Variants in ANK2 observed in about 807,000 individuals in gnomAD.
ANK2 encodes the protein ankyrin 2.
Under a neutral mutation model 360.5 loss-of-function variants are expected in ANK2, and 83 were observed. The ratio of observed to expected loss-of-function variants is 0.23; its 90% CI spans 0.19 to 0.28. The LOEUF (loss-of-function observed/expected upper bound fraction) is 0.28, where lower values mean the gene tolerates loss of function less well. Among genes scored for constraint, ANK2 ranks in the 10% least tolerant of loss-of-function variants. The pLI is 1.00. For missense variants in ANK2, 4,201 were observed against 4,795.7 expected, an observed-to-expected ratio of 0.88 and a Z score of 3.66; for synonymous variants, 1,740 against 1,759.5, an observed-to-expected ratio of 0.99 and a Z score of 0.28.
At chr4:113,008,475 A>G (rs1393080938) in intron 2 of ANK2, among the ~76,000 whole-genome samples, 2 of 152,342 alleles carry the variant, frequency 1.3e-5, no homozygotes, top group African/African-American at 2.4e-5. Context: ...TTATAAGCCA[A>G]TAGGCTCAAA....
intron 24 of ANK2, among the ~76,000 whole-genome samples, chr4:113,314,399 C>T (rs984787541): frequency 2.0e-5 from 3 of 152,108 alleles, no homozygotes; most frequent in African/African-American, 7.2e-5. Flanking sequence ...TTTCATACCA[C>T]CTATTATGTG....
At chr4:113,023,709 C>T (rs1375099144) in intron 2 of ANK2, among the ~76,000 whole-genome samples, 1 of 152,164 alleles carries the variant, frequency 6.6e-6, no homozygotes, top group South Asian at 2.1e-4. Context: ...TGCACTACAC[C>T]ATAGGCTGTA....
At position 113,331,982 on chromosome 4, in the gene ANK2, C is replaced by T. The variant is rs149840991; in HGVS notation, c.3136C>T (p.Leu1046=). The T allele has an allele frequency of 2.7e-4, 434 of 1,614,044 alleles. No homozygotes were observed. Among genetic ancestry groups the T allele is most frequent in the Non-Finnish European group, 3.6e-4 (424 of 1,179,962 alleles). ...TTTGGATGTACTCAGTAAACTTCAC[C>T]TGCCAACGGCTCCTCCCCCACTTAA... ...SGAQFLGKLH[L]PTAPPPLNEG... The change falls in exon 28 of 46, where the codon CTG becomes TTG. Residue 1046 remains leucine, a synonymous_variant. Transcript: ENST00000357077.
chr4:112,876,156 A>G (rs2075042239), intron 1 of ANK2, among the ~76,000 whole-genome samples: 1 of 152,030 alleles, frequency 6.6e-6, no homozygotes, highest in Non-Finnish European at 1.5e-5. Flanking sequence ...GCTTTTATTC[A>G]GATAAGTTTG....
At chr4:112,981,564 TGAGAG>T (rs1223120536) in intron 2 of ANK2, among the ~76,000 whole-genome samples, 1 of 152,190 alleles carries the variant, frequency 6.6e-6, no homozygotes, top group Non-Finnish European at 1.5e-5. Context: ...AGTTTCAGGT[TGAGAG>T]GACGAGTAGG....
At chr4:113,158,849 T>G (rs1263592109) in intron 1 of ANK2, among the ~76,000 whole-genome samples, 2 of 152,196 alleles carry the variant, frequency 1.3e-5, no homozygotes, top group African/African-American at 2.4e-5. Flanking sequence ...GGGTACAGTT[T>G]ACTGCTTTGC....
chr4:112,930,929 A>G (rs1213498451), intron 2 of ANK2, among the ~76,000 whole-genome samples: 2 of 152,042 alleles, frequency 1.3e-5, no homozygotes, highest in Admixed American at 1.3e-4. Flanking sequence ...TGAAAGGACA[A>G]CAGACAAATA....
intron 4 of ANK2, among the ~76,000 whole-genome samples, chr4:113,221,321 G>A (rs2099148823): frequency 6.6e-6 from 1 of 151,548 alleles, no homozygotes; most frequent in Admixed American, 6.6e-5. Flanking sequence ...AGTAAAATGG[G>A]GCAAGGATAT....
In ANK2 at chr4:113,092,802, G is replaced by T. The variant is rs138118378; in HGVS notation, c.84+42990G>T. 3.9e-5 allele frequency among the ~76,000 whole-genome samples: 6 copies of T among 152,216 alleles called. No individual in the cohort carries two copies. The East Asian group carries it at 1.2e-3, about 29-fold the overall frequency. On this transcript the variant is annotated intron_variant, in intron 1 of 45. Coordinates refer to ENST00000357077, the MANE Select transcript of ANK2 (RefSeq NM_001148.6). ...TATAGTATGTGATTAATATGTGCTT[G>T]TGATGGTTCTTTTAGTTATTTCTCT...
intron 13 of ANK2, 108 bp downstream of exon 13, chr4:113,258,519 A>C: frequency 9.8e-7 from 1 of 1,018,458 alleles, no homozygotes; most frequent in East Asian, 2.4e-5. Context: ...GTAAGCAACC[A>C]AGCTTTGAGA....
chr4:113,133,728 T>C (rs1309783494), intron 1 of ANK2, among the ~76,000 whole-genome samples: 2 of 152,134 alleles, frequency 1.3e-5, no homozygotes, highest in Non-Finnish European at 2.9e-5. Context: ...GTACTTAAGA[T>C]GCACTGACTT....
intron 1 of ANK2, among the ~76,000 whole-genome samples, chr4:113,081,777 A>G (rs878911159): frequency 5.3e-5 from 8 of 152,076 alleles, no homozygotes; most frequent in Admixed American, 3.9e-4. Flanking sequence ...TACTCAATAA[A>G]TATTTGCTGG....
intron 2 of ANK2, among the ~76,000 whole-genome samples, chr4:112,908,405 A>G (rs1011747472): frequency 6.6e-6 from 1 of 152,184 alleles, no homozygotes; most frequent in South Asian, 2.1e-4. Flanking sequence ...TAAGACCAAA[A>G]TGGGCTGGTG....
chr4:113,093,166 A>G (rs2089394371), intron 1 of ANK2, among the ~76,000 whole-genome samples: 1 of 152,170 alleles, frequency 6.6e-6, no homozygotes, highest in Non-Finnish European at 1.5e-5. Context: ...GTCTTAATCT[A>G]TGAGAATTTG....
intron 1 of ANK2, among the ~76,000 whole-genome samples, chr4:112,871,131 CT>C (rs2072849213): frequency 6.6e-6 from 1 of 151,368 alleles, no homozygotes; most frequent in Non-Finnish European, 1.5e-5. Flanking sequence ...AAGAATAGGA[CT>C]GATATTTGTA....
intron 25 of ANK2, 125 bp from the exon 26 acceptor site, chr4:113,318,392 A>G: frequency 1.3e-6 from 1 of 740,856 alleles, no homozygotes; most frequent in East Asian, 2.7e-5. Flanking sequence ...CATTGGTTTT[A>G]TATTTTAAGT....
At position 112,944,513 on chromosome 4, in the gene ANK2, G is replaced by T. The variant is rs184732558; in HGVS notation, c.21+39999G>T. Among the ~76,000 whole-genome samples the T allele has an allele frequency of 5.3e-5, 8 of 152,194 alleles. No homozygotes were observed. In the East Asian group the frequency reaches 1.5e-3, roughly 29 times the overall value. On this transcript the variant is annotated intron_variant, in intron 2 of 30. Coordinates refer to the ANK2 transcript ENST00000503271. ...TTGCTACAGTACATAAAAGATATCC[G>T]TAACTCCAAGAGTTTAGGAGCTTAT... is the stretch of plus-strand genomic sequence containing the variant.
chr4:112,903,588 T>C (rs900338395), intron 1 of ANK2, among the ~76,000 whole-genome samples: 7 of 152,218 alleles, frequency 4.6e-5, no homozygotes. Flanking sequence ...GGCTTAATGA[T>C]ACCAGAGGTG....
At chr4:112,880,800 C>G (rs1257023828) in intron 1 of ANK2, 1 of 152,162 alleles carries the variant, frequency 6.6e-6, no homozygotes, top group Non-Finnish European at 1.5e-5. Context: ...ATAAATCCCT[C>G]AGAGATGAAT....
Sources: allele counts gnomAD v4.1 joint callset (sites outside exome capture counted in the v4.1 genomes callset), GRCh38; gene constraint gnomAD v4.1.1; transcripts MANE v1.5; gene names NCBI Gene and HGNC (gene_info 2026-07-23, HGNC 2026-07-21).